ST8SIA6: variants seen among roughly 807,000 people sequenced by gnomAD.
The protein encoded by ST8SIA6 is ST8 alpha-N-acetyl-neuraminide alpha-2,8-sialyltransferase 6, also known as alpha-2,8-sialyltransferase 8F.
In ST8SIA6, 39 loss-of-function variants were observed where a neutral mutation model predicts 33.6. The ratio of observed to expected loss-of-function variants is 1.16; its 90% CI spans 0.90 to 1.52. The LOEUF is 1.52. ST8SIA6 is among the 40% of genes most tolerant of loss of function. ST8SIA6 has a pLI of 0.00. For missense variants in ST8SIA6, 441 were observed against 443.8 expected, an observed-to-expected ratio of 0.99 and a Z score of 0.06; for synonymous variants, 172 against 167.2, an observed-to-expected ratio of 1.03 and a Z score of -0.22.
Position 17,376,584 on chromosome 10 carries a change from A to G in ST8SIA6, c.290+13947T>C, listed in dbSNP as rs139800597. ...AGCACCTCTAAGTATCTGCTCTTAGAAAAATCATTTCATTTATCTGAGGCA... is the reference window on the plus strand; with the variant it reads ...AGCACCTCTAAGTATCTGCTCTTAGGAAAATCATTTCATTTATCTGAGGCA... On this transcript the variant is annotated intron_variant, in intron 3 of 7. Transcript: ENST00000377602. 7.0e-3 allele frequency among the ~76,000 whole-genome samples: 1,063 copies of G among 152,330 alleles called. 19 individuals are homozygous for G. Among genetic ancestry groups the G allele is most frequent in the East Asian group, 0.038 (197 of 5,186 alleles).
chr10:17,419,356 A>T (rs963342121), intron 2 of ST8SIA6, among the ~76,000 whole-genome samples: 1 of 152,132 alleles, frequency 6.6e-6, no homozygotes, highest in South Asian at 2.1e-4. Flanking sequence ...ACATGGTGAG[A>T]CTTTGTCTGT....
chr10:17,431,100 C>T (rs1474236772), intron 2 of ST8SIA6, among the ~76,000 whole-genome samples: 2 of 152,180 alleles, frequency 1.3e-5, no homozygotes, highest in Admixed American at 6.5e-5. Context: ...TTTTCAACTA[C>T]AAAGGCAAAG....
At chr10:17,384,703 A>G (rs1252798005) in intron 3 of ST8SIA6, among the ~76,000 whole-genome samples, 1 of 152,194 alleles carries the variant, frequency 6.6e-6, no homozygotes, top group Non-Finnish European at 1.5e-5. Context: ...TCTTCAAACC[A>G]TGAGAACTGA....
intron 3 of ST8SIA6, among the ~76,000 whole-genome samples, chr10:17,386,705 G>C (rs1478747337): frequency 1.3e-5 from 2 of 152,188 alleles, no homozygotes; most frequent in Admixed American, 1.3e-4. Flanking sequence ...CCTGAAGGCA[G>C]ACCTTCAGGC....
chr10:17,447,046 AAG>A (rs1224845014), intron 2 of ST8SIA6, among the ~76,000 whole-genome samples: 1 of 151,502 alleles, frequency 6.6e-6, no homozygotes, highest in Admixed American at 6.6e-5. Context: ...AAAAAAGAAA[AAG>A]AGAAAAAATA....
At chr10:17,359,886 C>T (rs10508523) in intron 3 of ST8SIA6, among the ~76,000 whole-genome samples, 23,865 of 152,000 alleles carry the variant, frequency 0.16, 2,115 homozygotes, top group South Asian at 0.2. Flanking sequence ...GGACATTTCA[C>T]CTTGGCTTAA....
At chr10:17,449,638 G>A (rs1208531964) in intron 2 of ST8SIA6, among the ~76,000 whole-genome samples, 1 of 152,146 alleles carries the variant, frequency 6.6e-6, no homozygotes, top group East Asian at 1.9e-4. Context: ...CATCTTACCT[G>A]GAAGACACAG....
At chr10:17,367,913 G>A (rs951017160) in intron 3 of ST8SIA6, among the ~76,000 whole-genome samples, 9 of 152,078 alleles carry the variant, frequency 5.9e-5, no homozygotes, top group Admixed American at 2.0e-4. Context: ...TTAATTGTCC[G>A]AACACACATA....
chr10:17,428,678 C>T (rs985941644), intron 2 of ST8SIA6, among the ~76,000 whole-genome samples: 5 of 151,750 alleles, frequency 3.3e-5, no homozygotes, highest in Admixed American at 6.6e-5. Context: ...AGTAAAAGGG[C>T]GCAGAGGCCA....
At chr10:17,332,209 T>C (rs1252033353) in intron 4 of ST8SIA6, among the ~76,000 whole-genome samples, 4 of 152,226 alleles carry the variant, frequency 2.6e-5, no homozygotes, top group Non-Finnish European at 4.4e-5. Context: ...GGCATTTGGG[T>C]TGGTTCCATG....
chr10:17,355,794 A>G lies in ST8SIA6; in HGVS notation c.377+3720T>C, dbSNP rs145189833. ...TCTGATAACCAGATCTCCATGCATC[A>G]GATCCTTCCTTGTCTACCTGAAATT... On this transcript the variant is annotated intron_variant, in intron 4 of 7. Coordinates refer to ENST00000377602, the MANE Select transcript of ST8SIA6 (RefSeq NM_001004470.3). Among the ~76,000 whole-genome samples the G allele has an allele frequency of 2.0e-3, 305 of 152,344 alleles. 3 individuals are homozygous for G. The highest frequency in any genetic ancestry group is 6.9e-3 in the African/African-American group (288 of 41,586).
At chr10:17,365,373 AC>A (rs1588844176) in intron 3 of ST8SIA6, among the ~76,000 whole-genome samples, 2 of 152,340 alleles carry the variant, frequency 1.3e-5, no homozygotes, top group East Asian at 1.9e-4. Flanking sequence ...TTAAATATTT[AC>A]AGTAGTTCCC....
intron 2 of ST8SIA6, among the ~76,000 whole-genome samples, chr10:17,404,317 GT>G (rs1161909653): frequency 4.6e-5 from 7 of 152,076 alleles, no homozygotes; most frequent in African/African-American, 1.7e-4. Flanking sequence ...GAACTCAGAC[GT>G]TACGCCATTC....
intron 5 of ST8SIA6, among the ~76,000 whole-genome samples, chr10:17,330,031 T>G (rs1383780808): frequency 6.6e-6 from 1 of 152,074 alleles, no homozygotes; most frequent in Non-Finnish European, 1.5e-5. Flanking sequence ...AAAGAGGACA[T>G]TTCCACCACG....
intron 2 of ST8SIA6, among the ~76,000 whole-genome samples, 157 bp downstream of exon 2, chr10:17,453,402 C>A (rs763918570): frequency 2.6e-5 from 4 of 151,914 alleles, no homozygotes; most frequent in Non-Finnish European, 4.4e-5. Flanking sequence ...GTGCCCCCCC[C>A]CAACCCCGCG....
chr10:17,357,283 G>A (rs571830455), intron 4 of ST8SIA6, among the ~76,000 whole-genome samples: 5 of 147,800 alleles, frequency 3.4e-5, no homozygotes, highest in Non-Finnish European at 5.9e-5. Context: ...ATGCCACCAC[G>A]CCTGGCTAAT....
At chr10:17,440,173 TAATAGTTTCTCAACTC>T (rs973410081) in intron 2 of ST8SIA6, among the ~76,000 whole-genome samples, 5 of 151,952 alleles carry the variant, frequency 3.3e-5, no homozygotes, top group Non-Finnish European at 7.4e-5. Flanking sequence ...GTCAGTTTTG[TAATAGTTTCTCAACTC>T]AATAGTTTCT....
intron 5 of ST8SIA6, among the ~76,000 whole-genome samples, chr10:17,329,361 C>T (rs959772453): frequency 7.2e-5 from 11 of 152,176 alleles, no homozygotes; most frequent in African/African-American, 2.7e-4. Context: ...TGCTCTAAAC[C>T]ACTACACATT....
At chr10:17,384,960 A>G (rs1419675966) in intron 3 of ST8SIA6, among the ~76,000 whole-genome samples, 1 of 152,182 alleles carries the variant, frequency 6.6e-6, no homozygotes, top group Non-Finnish European at 1.5e-5. Context: ...AAACCATCCT[A>G]GCAATGAAAG....
Sources: gnomAD v4.1 joint callset for allele counts (sites outside exome capture counted in the v4.1 genomes callset) on GRCh38, gnomAD v4.1.1 for gene constraint, MANE v1.5 for transcripts, NCBI Gene and HGNC (gene_info 2026-07-23, HGNC 2026-07-21) for gene names.